Variants in RGS6 observed in about 807,000 individuals in gnomAD.
RGS6 encodes the protein regulator of G protein signaling 6.
A neutral mutation model predicts 78.5 loss-of-function variants in RGS6; 30 were observed. That is an observed-to-expected ratio of 0.38 (90% CI 0.29 to 0.52). RGS6 has a LOEUF of 0.52. Ranked by LOEUF, RGS6 falls within the 20% of genes least tolerant of loss-of-function variation. The probability of loss-of-function intolerance (pLI) is 0.85; values close to 1 mark genes in which losing one functional copy is unlikely to be tolerated. For synonymous variants in RGS6, 206 were observed against 206.0 expected, an observed-to-expected ratio of 1.00 and a Z score of 0.00; for missense variants, 495 against 609.7, an observed-to-expected ratio of 0.81 and a Z score of 1.98.
intron 2 of RGS6, among the ~76,000 whole-genome samples, chr14:72,175,684 T>G (rs967225804): frequency 2.0e-5 from 3 of 152,180 alleles, no homozygotes; most frequent in Non-Finnish European, 4.4e-5. Context: ...TCAGTGAGGC[T>G]CCATTAGAGG....
At chr14:72,314,370 G>T (rs1567730312) in intron 2 of RGS6, among the ~76,000 whole-genome samples, 2 of 152,160 alleles carry the variant, frequency 1.3e-5, no homozygotes, top group East Asian at 1.9e-4. Context: ...AAGAAATGAG[G>T]GAAGAAACAG....
upstream of RGS6, among the ~76,000 whole-genome samples, chr14:71,931,896 G>GC (rs1207196027): frequency 6.6e-6 from 1 of 152,180 alleles, no homozygotes; most frequent in East Asian, 1.9e-4. Flanking sequence ...TCCAAATGCA[G>GC]CGTGTGGTGT....
At chr14:72,088,371 C>T (rs1346755676) in intron 2 of RGS6, among the ~76,000 whole-genome samples, 1 of 152,174 alleles carries the variant, frequency 6.6e-6, no homozygotes, top group Non-Finnish European at 1.5e-5. Flanking sequence ...GCTCTCTTGC[C>T]TTGCGCCGAT....
intron 2 of RGS6, among the ~76,000 whole-genome samples, chr14:72,344,460 G>A (rs533653977): frequency 3.9e-5 from 6 of 152,190 alleles, no homozygotes; most frequent in South Asian, 4.2e-4. Flanking sequence ...GAATCCATTC[G>A]CAAAGCAAAA....
chr14:71,997,956 A>C (rs111667637), intron 2 of RGS6, among the ~76,000 whole-genome samples: 19 of 152,304 alleles, frequency 1.2e-4, no homozygotes, highest in Non-Finnish European at 1.9e-4. Flanking sequence ...GTCTCAGTTA[A>C]TGTAGAAAGT....
chr14:72,521,938 G>A (rs10483846), intron 15 of RGS6, among the ~76,000 whole-genome samples: 2,135 of 152,236 alleles, frequency 0.014, 42 homozygotes, highest in African/African-American at 0.047. Context: ...TTTTTAAGCC[G>A]TAGTGTTTAA....
intron 2 of RGS6, among the ~76,000 whole-genome samples, chr14:72,002,482 G>A (rs1424657910): frequency 6.6e-6 from 1 of 152,090 alleles, no homozygotes; most frequent in Non-Finnish European, 1.5e-5. Flanking sequence ...TGTGGAGAGG[G>A]CCCAGAAGCA....
intron 3 of RGS6, among the ~76,000 whole-genome samples, chr14:72,403,799 A>G (rs2092682459): frequency 1.3e-5 from 2 of 152,246 alleles, no homozygotes; most frequent in Non-Finnish European, 2.9e-5. Flanking sequence ...TGGTCAAAGC[A>G]ATAAGCCAAT....
At chr14:71,981,031 C>T (rs1194499512) in intron 2 of RGS6, among the ~76,000 whole-genome samples, 1 of 147,170 alleles carries the variant, frequency 6.8e-6, no homozygotes, top group Non-Finnish European at 1.5e-5. Context: ...ATTGCTGATA[C>T]CCTTTCTTCC....
At chr14:72,245,526 C>A (rs1471583174) in intron 2 of RGS6, among the ~76,000 whole-genome samples, 2 of 152,234 alleles carry the variant, frequency 1.3e-5, no homozygotes, top group African/African-American at 2.4e-5. Flanking sequence ...ATTGCTCATG[C>A]TTTTGTTTGT....
At chr14:72,186,004 A>C (rs568537532) in intron 2 of RGS6, among the ~76,000 whole-genome samples, 23 of 152,262 alleles carry the variant, frequency 1.5e-4, no homozygotes, top group Non-Finnish European at 3.1e-4. Context: ...TGATCCTCAA[A>C]ATAATCCTGT....
rs148343689 is a variant in RGS6 at position 72,388,399 on chromosome 14, A to C, written c.184+36205A>C. Among the ~76,000 whole-genome samples, 184 of 152,330 alleles carry C rather than the reference A, an allele frequency of 1.2e-3. 2 individuals are homozygous for C. Among genetic ancestry groups the C allele is most frequent in the African/African-American group, 4.0e-3 (168 of 41,574 alleles). ...CCATAACATATCACTTGTAACCTCT[A>C]TCTATGACCTTCCACGTCAGTGCAA... On this transcript the variant is annotated intron_variant, in intron 3 of 17. Transcript: ENST00000553525.
chr14:72,583,844 G>A, the RGS6 span, among the ~76,000 whole-genome samples: 1 of 152,206 alleles, frequency 6.6e-6, no homozygotes, highest in Non-Finnish European at 1.5e-5. Flanking sequence ...ACTCAGCCAT[G>A]GAGGACACCC....
At chr14:72,418,034 C>A (rs1322620409) in intron 3 of RGS6, among the ~76,000 whole-genome samples, 1 of 152,156 alleles carries the variant, frequency 6.6e-6, no homozygotes, top group Non-Finnish European at 1.5e-5. Flanking sequence ...ATTCTCCCAC[C>A]TTTCCTCCAT....
intron 9 of RGS6, among the ~76,000 whole-genome samples, 153 bp downstream of exon 9, chr14:72,473,106 T>C (rs996905368): frequency 6.6e-6 from 1 of 152,210 alleles, no homozygotes; most frequent in Non-Finnish European, 1.5e-5. Flanking sequence ...ATTTATATAA[T>C]CTCAGTAAAT....
intron 3 of RGS6, among the ~76,000 whole-genome samples, chr14:72,419,150 C>T (rs1451413513): frequency 6.6e-6 from 1 of 152,202 alleles, no homozygotes; most frequent in Non-Finnish European, 1.5e-5. Flanking sequence ...GAGAAGGATA[C>T]TGCTAACTGG....
intron 1 of RGS6, among the ~76,000 whole-genome samples, chr14:71,944,643 A>G (rs906813200): frequency 6.6e-6 from 1 of 152,256 alleles, no homozygotes; most frequent in Admixed American, 6.5e-5. Context: ...ACAGCATTTT[A>G]TCATCAGATC....
At chr14:71,983,392 T>A (rs1398114815) in intron 2 of RGS6, among the ~76,000 whole-genome samples, 1 of 152,248 alleles carries the variant, frequency 6.6e-6, no homozygotes, top group Non-Finnish European at 1.5e-5. Context: ...ATGACACTTT[T>A]GAACATTTCT....
chr14:72,051,283 G>A (rs2093222750), intron 2 of RGS6, among the ~76,000 whole-genome samples: 1 of 152,032 alleles, frequency 6.6e-6, no homozygotes. Flanking sequence ...AAGAAAACAG[G>A]GCTGGCAGTA....
Sources: gnomAD v4.1 joint callset for allele counts (sites outside exome capture counted in the v4.1 genomes callset) on GRCh38, gnomAD v4.1.1 for gene constraint, MANE v1.5 for transcripts, NCBI Gene and HGNC (gene_info 2026-07-23, HGNC 2026-07-21) for gene names.